The following TBC1D5 variants were observed in gnomAD, a reference collection of about 807,000 sequenced individuals.
TBC1D5 encodes TBC1 domain family member 5, also known as TBC1 domain family, member 5.
A neutral mutation model predicts 100.3 loss-of-function variants in TBC1D5; 75 were observed. The ratio of observed to expected loss-of-function variants is 0.75; its 90% CI spans 0.62 to 0.91. The LOEUF (loss-of-function observed/expected upper bound fraction) is 0.91. TBC1D5 is among the 40% of genes least tolerant of loss of function. The pLI is 0.00. For missense variants in TBC1D5, 910 were observed against 942.4 expected (o/e 0.97, Z 0.45); for synonymous variants, 323 against 325.6 (o/e 0.99, Z 0.09).
chr3:17,677,824 T>C (rs1289522883), intron 1 of TBC1D5, among the ~76,000 whole-genome samples: 2 of 152,120 alleles, frequency 1.3e-5, no homozygotes, highest in East Asian at 3.9e-4. Flanking sequence ...CCATAAAAAA[T>C]GATGAGTTCA....
intron 14 of TBC1D5, among the ~76,000 whole-genome samples, chr3:17,295,462 C>A (rs556659712): frequency 2.4e-4 from 36 of 152,324 alleles, no homozygotes; most frequent in African/African-American, 6.7e-4. Flanking sequence ...TCTGTCTGAA[C>A]CTTTATGTGC....
In TBC1D5 at chr3:17,739,155, C is replaced by T. The variant is rs147204506; in HGVS notation, c.-101+188G>A. Among the ~76,000 whole-genome samples the T allele has an allele frequency of 9.9e-3, 1,501 of 152,258 alleles. 28 individuals carry two copies. Among genetic ancestry groups the T allele is most frequent in the African/African-American group, 0.034 (1,405 of 41,524 alleles). The stretch of plus-strand genomic sequence containing the variant: ...CATTTCTCAAGTTCTGGTACACACA[C>T]TGTACACACTGCCATTCCAATGATC... On this transcript the variant is annotated intron_variant, in intron 1 of 21. Coordinates refer to ENST00000253692, the Ensembl canonical transcript of TBC1D5.
chr3:17,232,447 T>C lies in TBC1D5; in HGVS notation c.1588+5716A>G, dbSNP rs2075502541. On this transcript the variant is annotated intron_variant, in intron 17 of 21. Coordinates refer to ENST00000253692, the Ensembl canonical transcript of TBC1D5. Reference sequence around the variant, plus strand: ...TATCAGATGATCACATTAACATTCATCTCAGTGCAAAGCTAAAGAGAAATC... The same window carrying C: ...TATCAGATGATCACATTAACATTCACCTCAGTGCAAAGCTAAAGAGAAATC... 2.2e-5 allele frequency among the ~76,000 whole-genome samples: 3 copies of C among 139,002 alleles called. No individual in the cohort carries two copies. In the South Asian group the frequency reaches 6.6e-4, roughly 31 times the overall value. The allele number at this position is 139,002 out of a possible 152,430, so 91.2% of individuals were successfully genotyped here. A position where few individuals can be genotyped will look rare whatever the true frequency, so the allele number is the denominator to read the frequency against.
chr3:17,653,171 T>A (rs947659295), intron 1 of TBC1D5, among the ~76,000 whole-genome samples: 1 of 151,940 alleles, frequency 6.6e-6, no homozygotes, highest in African/African-American at 2.4e-5. Context: ...TGGGGACAGG[T>A]GAAAAATGAT....
chr3:17,388,605 T>C (rs1037662077), intron 8 of TBC1D5, among the ~76,000 whole-genome samples: 6 of 151,334 alleles, frequency 4.0e-5, no homozygotes, highest in Non-Finnish European at 5.9e-5. Flanking sequence ...TCCCAGCACT[T>C]TGAAAGGTCA....
chr3:17,540,601 G>GTA (rs1472264003), intron 2 of TBC1D5, among the ~76,000 whole-genome samples: 2 of 151,846 alleles, frequency 1.3e-5, no homozygotes, highest in Non-Finnish European at 2.9e-5. Flanking sequence ...AATAGTCCTG[G>GTA]TACTCTTGTT....
intron 1 of TBC1D5, among the ~76,000 whole-genome samples, chr3:17,679,088 A>AAAAC (rs2069095188): frequency 6.6e-6 from 1 of 151,192 alleles, no homozygotes; most frequent in African/African-American, 2.5e-5. Flanking sequence ...AGAAAAAAAA[A>AAAAC]AAAACAATGA....
At chr3:17,274,627 T>C (rs1290652202) in intron 15 of TBC1D5, among the ~76,000 whole-genome samples, 1 of 152,248 alleles carries the variant, frequency 6.6e-6, no homozygotes, top group African/African-American at 2.4e-5. Flanking sequence ...GTCACTTTTC[T>C]GCCTTCTACA....
intron 21 of TBC1D5, among the ~76,000 whole-genome samples, chr3:17,163,136 T>C (rs1478499272): frequency 1.3e-5 from 2 of 152,214 alleles, no homozygotes; most frequent in African/African-American, 4.8e-5. Flanking sequence ...TAAAAGTAGT[T>C]TCTACCATTA....
intron 2 of TBC1D5, among the ~76,000 whole-genome samples, chr3:17,531,118 T>C (rs1295668672): frequency 6.6e-6 from 1 of 152,194 alleles, no homozygotes; most frequent in Admixed American, 6.5e-5. Context: ...CTTAAGCTGA[T>C]AAGCAACTTC....
At chr3:17,461,272 C>T (rs974899049) in intron 3 of TBC1D5, among the ~76,000 whole-genome samples, 3 of 152,068 alleles carry the variant, frequency 2.0e-5, no homozygotes, top group African/African-American at 4.8e-5. Context: ...CATATATGAA[C>T]GTGCAAACAC....
chr3:17,383,933 C>T lies in TBC1D5; in HGVS notation c.592G>A (p.Glu198Lys), dbSNP rs756644163. 3.7e-5 allele frequency: 59 copies of T among 1,598,674 alleles called. No homozygotes were observed. In the South Asian group the frequency reaches 3.7e-4, roughly 10 times the overall value. The change falls in exon 9 of 22, where the codon GAG becomes AAG. Residue 198 changes from glutamate to lysine, a missense_variant. Physicochemically the swap from Glu to Lys is moderately conservative, Grantham distance 56 (BLOSUM62 1). Coordinates refer to ENST00000253692, the Ensembl canonical transcript of TBC1D5. ...ATTACCTGTTTATAAAGCAACTGCT[C>T]GTTTTCTCTGGCATAACAGAAAAGA... is the stretch of plus-strand genomic sequence containing the variant.
In TBC1D5 at chr3:17,428,513, G is replaced by T. The variant is rs1339474135; in HGVS notation, c.104C>A (p.Ser35Ter). ...ACTTGTTCTTCTTCCATTTTTATTTGAATCTCCTGGAGAAAAAAATTACGA... is the reference window on the plus strand; with the variant it reads ...ACTTGTTCTTCTTCCATTTTTATTTTAATCTCCTGGAGAAAAAAATTACGA... Residue 35 changes from serine to a stop codon, truncating the protein, a stop_gained, in exon 4 of 22, where the codon TCA (serine) becomes TAA (stop). Transcript: ENST00000253692. LOFTEE classifies it high-confidence loss of function. The T allele has an allele frequency of 1.3e-6, 2 of 1,488,446 alleles. No individual in the cohort carries two copies. The highest frequency in any genetic ancestry group is 2.6e-5 in the East Asian group (1 of 38,556). 92.2% of individuals were successfully genotyped at this position (1,488,446 alleles called of 1,614,324 possible). A position where few individuals can be genotyped will look rare whatever the true frequency, so the allele number is the denominator to read the frequency against.
intron 2 of TBC1D5, among the ~76,000 whole-genome samples, chr3:17,586,841 AAAAC>A (rs2096736080): frequency 6.6e-6 from 1 of 152,110 alleles, no homozygotes; most frequent in African/African-American, 2.4e-5. Context: ...GCTTCACTAT[AAAAC>A]AATCACCTCT....
chr3:17,340,905 C>T (rs924639961), intron 13 of TBC1D5, among the ~76,000 whole-genome samples: 3 of 152,168 alleles, frequency 2.0e-5, no homozygotes, highest in African/African-American at 4.8e-5. Flanking sequence ...TTCTTAGTCA[C>T]CACTGGGTCA....
At chr3:17,193,131 T>C (rs2070182383) in intron 18 of TBC1D5, among the ~76,000 whole-genome samples, 1 of 152,186 alleles carries the variant, frequency 6.6e-6, no homozygotes, top group South Asian at 2.1e-4. Flanking sequence ...GTGATAAAAT[T>C]GGGGTGGCCC....
chr3:17,310,426 C>A (rs963087165), intron 13 of TBC1D5, among the ~76,000 whole-genome samples: 4 of 151,974 alleles, frequency 2.6e-5, no homozygotes, highest in African/African-American at 4.8e-5. Context: ...AAGTACCTTG[C>A]CAAGTACACT....
At chr3:17,247,614 C>T (rs2076844600) in intron 16 of TBC1D5, among the ~76,000 whole-genome samples, 1 of 152,064 alleles carries the variant, frequency 6.6e-6, no homozygotes, top group Admixed American at 6.6e-5. Flanking sequence ...AATAAGACAA[C>T]AATGAAGTTG....
chr3:17,278,501 G>A (rs2080252526), intron 15 of TBC1D5, among the ~76,000 whole-genome samples: 2 of 152,104 alleles, frequency 1.3e-5, no homozygotes, highest in Non-Finnish European at 2.9e-5. Context: ...AATGAATTAA[G>A]CTATATTTAA....
Sources: gnomAD v4.1 joint callset for allele counts (sites outside exome capture counted in the v4.1 genomes callset) on GRCh38, gnomAD v4.1.1 for gene constraint, MANE v1.5 for transcripts, NCBI Gene and HGNC (gene_info 2026-07-23, HGNC 2026-07-21) for gene names.